The following ULK4 variants were observed in gnomAD, a reference collection of about 807,000 sequenced individuals.
ULK4 encodes inactive serine/threonine-protein kinase ULK4.
In ULK4, 133 loss-of-function variants were observed where a neutral mutation model predicts 160.6. The observed-to-expected ratio is 0.83, with a 90% CI of 0.72 to 0.96. The LOEUF (loss-of-function observed/expected upper bound fraction) is 0.96. Ranked by LOEUF, ULK4 falls within the 40% of genes least tolerant of loss-of-function variation. The pLI is 0.00. For missense variants in ULK4, 1,580 were observed against 1,499.5 expected, an observed-to-expected ratio of 1.05 and a Z score of -0.89; for synonymous variants, 534 against 539.8, an observed-to-expected ratio of 0.99 and a Z score of 0.15.
At chr3:41,925,232 G>T (rs138826320) in intron 5 of ULK4, among the ~76,000 whole-genome samples, 2 of 152,350 alleles carry the variant, frequency 1.3e-5, no homozygotes, top group African/African-American at 4.8e-5. Flanking sequence ...TGGTTGGACA[G>T]CGGGTGCAGC....
At chr3:41,382,293 C>A (rs1481564692) in intron 35 of ULK4, among the ~76,000 whole-genome samples, 3 of 152,160 alleles carry the variant, frequency 2.0e-5, no homozygotes, top group African/African-American at 7.2e-5. Context: ...ACCATGTGTG[C>A]CACAGAGCAG....
At chr3:41,376,844 T>A (rs2081510388) in intron 35 of ULK4, among the ~76,000 whole-genome samples, 1 of 149,904 alleles carries the variant, frequency 6.7e-6, no homozygotes, top group Non-Finnish European at 1.5e-5. Flanking sequence ...AAGCTACCAA[T>A]GACTTTCTTC....
chr3:41,818,309 CTCCCT>C (rs1264032696), intron 19 of ULK4, among the ~76,000 whole-genome samples: 4 of 152,116 alleles, frequency 2.6e-5, no homozygotes, highest in African/African-American at 9.7e-5. Context: ...AGCCTTCTCT[CTCCCT>C]TGAGTTCCTA....
chr3:41,602,309 A>AGGAAAGGAAAGGAGGAAG (rs1559425610), intron 31 of ULK4, among the ~76,000 whole-genome samples: 2 of 116,804 alleles, frequency 1.7e-5, no homozygotes, highest in East Asian at 2.6e-4. Context: ...AGGAAAGGAA[A>AGGAAAGGAAAGGAGGAAG]GGAAAGGAAA....
At chr3:41,792,528 C>G (rs2040181990) in intron 20 of ULK4, among the ~76,000 whole-genome samples, 1 of 152,120 alleles carries the variant, frequency 6.6e-6, no homozygotes, top group African/African-American at 2.4e-5. Context: ...TATAACAATT[C>G]TTGGAGGACC....
intron 18 of ULK4, among the ~76,000 whole-genome samples, chr3:41,824,284 G>C (rs1214394546): frequency 6.6e-6 from 1 of 152,056 alleles, no homozygotes; most frequent in South Asian, 2.1e-4. Flanking sequence ...TGAGGTACCA[G>C]GTTCATCTCA....
At chr3:41,261,447 T>A (rs935228806) in intron 35 of ULK4, among the ~76,000 whole-genome samples, 1 of 152,114 alleles carries the variant, frequency 6.6e-6, no homozygotes, top group Non-Finnish European at 1.5e-5. Context: ...AACTTCAAGA[T>A]CCACACTCAT....
At chr3:41,495,130 C>T (rs571327384) in intron 32 of ULK4, among the ~76,000 whole-genome samples, 2 of 152,300 alleles carry the variant, frequency 1.3e-5, no homozygotes, top group Non-Finnish European at 2.9e-5. Context: ...CAAGTCAATG[C>T]TAAGCCAAAG....
chr3:41,473,724 GA>G (rs1011306506), intron 32 of ULK4, among the ~76,000 whole-genome samples: 27 of 141,412 alleles, frequency 1.9e-4, no homozygotes, highest in African/African-American at 6.3e-4. Flanking sequence ...CAAACTTTCT[GA>G]AAAAAAAGTC....
intron 35 of ULK4, among the ~76,000 whole-genome samples, chr3:41,348,206 C>CAAAAAAAAAAAAAAAA (rs1197234650): frequency 4.4e-4 from 10 of 22,966 alleles, no homozygotes; most frequent in African/African-American, 1.5e-3. Flanking sequence ...AACTCTGTCT[C>CAAAAAAAAAAAAAAAA]AAAAAAAAAA....
intron 32 of ULK4, among the ~76,000 whole-genome samples, chr3:41,541,625 G>A (rs925768012): frequency 2.0e-5 from 3 of 152,104 alleles, no homozygotes; most frequent in Non-Finnish European, 4.4e-5. Context: ...GGGAAGTATG[G>A]CCATTTTCAT....
chr3:41,528,779 A>G lies in ULK4; in HGVS notation c.3226+37246T>C, dbSNP rs149339309. ...GAGTTCAATAGAGGATTTTCCAGTT[A>G]CCCAGTTTTGTCTTGTTTTTACCCA... is the stretch of plus-strand genomic sequence containing the variant. On this transcript the variant is annotated intron_variant, in intron 32 of 36. Transcript: ENST00000301831. Among the ~76,000 whole-genome samples the G allele has an allele frequency of 7.7e-3, 1,172 of 152,308 alleles. 10 individuals are homozygous for G. The highest frequency in any genetic ancestry group is 0.034 in the Middle Eastern group (10 of 294).
intron 34 of ULK4, among the ~76,000 whole-genome samples, chr3:41,418,134 C>A (rs967362657): frequency 6.6e-6 from 1 of 152,092 alleles, no homozygotes; most frequent in African/African-American, 2.4e-5. Context: ...TATAAGTTGA[C>A]CCTTGAACAA....
intron 25 of ULK4, among the ~76,000 whole-genome samples, chr3:41,708,138 T>C (rs1423129447): frequency 1.3e-5 from 2 of 151,322 alleles, no homozygotes; most frequent in South Asian, 2.1e-4. Context: ...ATAAGTACCA[T>C]ATGATTAAGC....
chr3:41,592,489 C>T (rs1214829724), intron 31 of ULK4, among the ~76,000 whole-genome samples: 3 of 151,992 alleles, frequency 2.0e-5, no homozygotes, highest in South Asian at 2.1e-4. Flanking sequence ...GATGGGTGCA[C>T]CAAAATCTCA....
At chr3:41,893,937 G>T (rs576623909) in intron 16 of ULK4, among the ~76,000 whole-genome samples, 7 of 152,090 alleles carry the variant, frequency 4.6e-5, no homozygotes, top group Non-Finnish European at 7.4e-5. Context: ...AGAAAACGTC[G>T]CTGGAAGTGG....
At chr3:41,457,464 C>T (rs2083581514) in intron 33 of ULK4, among the ~76,000 whole-genome samples, 1 of 152,210 alleles carries the variant, frequency 6.6e-6, no homozygotes, top group African/African-American at 2.4e-5. Flanking sequence ...AAGGCTACAG[C>T]TTTGCACAAC....
intron 17 of ULK4, among the ~76,000 whole-genome samples, chr3:41,864,202 T>G (rs2125687093): frequency 6.6e-6 from 1 of 152,258 alleles, no homozygotes; most frequent in Middle Eastern, 3.4e-3. Context: ...AGTTTGGTCT[T>G]GGTTTCCTTT....
At chr3:41,290,694 A>G (rs2079543049) in intron 35 of ULK4, among the ~76,000 whole-genome samples, 1 of 152,134 alleles carries the variant, frequency 6.6e-6, no homozygotes, top group South Asian at 2.1e-4. Context: ...TGTTGACCAG[A>G]ATTATTTGAA....
Sources: gnomAD v4.1 joint callset for allele counts (sites outside exome capture counted in the v4.1 genomes callset) on GRCh38, gnomAD v4.1.1 for gene constraint, MANE v1.5 for transcripts, NCBI Gene and HGNC (gene_info 2026-07-23, HGNC 2026-07-21) for gene names.